The following CSMD1 variants were observed in gnomAD, a reference collection of about 807,000 sequenced individuals.
CSMD1 encodes CUB and Sushi multiple domains 1.
CSMD1 carries 213 observed loss-of-function variants against 417.5 expected under a neutral mutation model. That is an observed-to-expected ratio of 0.51 (90% confidence interval 0.46 to 0.57). The LOEUF (loss-of-function observed/expected upper bound fraction) is 0.57. Ranked by LOEUF, CSMD1 falls within the 20% of genes least tolerant of loss-of-function variation. The pLI is 0.00. For missense variants in CSMD1, 6,923 were observed against 4,529.7 expected (o/e 1.53, Z -15.17); for synonymous variants, 2,862 against 1,736.8 (o/e 1.65, Z -16.11).
chr8:4,756,188 C>A (rs556283524), intron 1 of CSMD1, among the ~76,000 whole-genome samples: 3 of 152,248 alleles, frequency 2.0e-5, no homozygotes, highest in Admixed American at 6.5e-5. Flanking sequence ...TTCTGGAAAA[C>A]TGTTGATCTA....
At position 2,935,606 on chromosome 8, in the gene CSMD1, C is replaced by G. The variant is rs1801399599; in HGVS notation, c.*2979G>C. On this transcript the variant is annotated 3_prime_UTR_variant, in exon 70 of 70. Transcript: ENST00000635120. Reference sequence around the variant, plus strand: ...AAAACATTTATTTTTTAACAATGTACCTACATTAATCAAAAAATTACAGCA... The same window carrying G: ...AAAACATTTATTTTTTAACAATGTAGCTACATTAATCAAAAAATTACAGCA... 2 of 151,974 alleles carry G rather than the reference C, an allele frequency of 1.3e-5. No individual in the cohort carries two copies. Among genetic ancestry groups the G allele is most frequent in the African/African-American group, 4.8e-5 (2 of 41,352 alleles). 9.4% of individuals were successfully genotyped at this position (151,974 alleles called of 1,614,324 possible).
chr8:3,104,952 C>G (rs1816027741), intron 46 of CSMD1, among the ~76,000 whole-genome samples: 1 of 152,130 alleles, frequency 6.6e-6, no homozygotes. Context: ...GTGATCCACC[C>G]ACCTCGGCCT....
chr8:4,817,105 G>A (rs1032674707), intron 1 of CSMD1, among the ~76,000 whole-genome samples: 2 of 151,714 alleles, frequency 1.3e-5, no homozygotes, highest in African/African-American at 4.8e-5. Flanking sequence ...GTATATACAT[G>A]CCTCCATGTA....
At chr8:3,293,315 C>T (rs916167684) in intron 25 of CSMD1, among the ~76,000 whole-genome samples, 1 of 152,068 alleles carries the variant, frequency 6.6e-6, no homozygotes, top group Non-Finnish European at 1.5e-5. Context: ...TTGAGTTGCT[C>T]TTCTCGAGGA....
At chr8:4,853,513 T>G (rs1017213800) in intron 1 of CSMD1, among the ~76,000 whole-genome samples, 3 of 152,188 alleles carry the variant, frequency 2.0e-5, no homozygotes, top group Admixed American at 1.3e-4. Flanking sequence ...AGCTTCCACA[T>G]AGATTTCAGA....
At chr8:3,463,298 C>T (rs1816622961) in intron 12 of CSMD1, among the ~76,000 whole-genome samples, 1 of 152,186 alleles carries the variant, frequency 6.6e-6, no homozygotes, top group African/African-American at 2.4e-5. Flanking sequence ...TCAGGCTCTG[C>T]TTCCAAGAAA....
chr8:4,619,493 G>C (rs561610391), intron 2 of CSMD1, among the ~76,000 whole-genome samples: 40 of 152,252 alleles, frequency 2.6e-4, no homozygotes, highest in Non-Finnish European at 4.1e-4. Context: ...CATTGGACTA[G>C]GTAACTGCAA....
At chr8:4,232,833 T>A in intron 3 of CSMD1, among the ~76,000 whole-genome samples, 1 of 152,096 alleles carries the variant, frequency 6.6e-6, no homozygotes, top group Non-Finnish European at 1.5e-5. Flanking sequence ...AAACATTACT[T>A]TATTTATTTA....
intron 10 of CSMD1, among the ~76,000 whole-genome samples, chr8:3,532,025 C>T (rs1281224744): frequency 1.3e-5 from 2 of 152,204 alleles, no homozygotes; most frequent in Admixed American, 6.5e-5. Context: ...TGGTCCTAAA[C>T]AGTTTTTCAT....
chr8:3,361,668 A>AC (rs1016388299), intron 20 of CSMD1, among the ~76,000 whole-genome samples: 1 of 150,254 alleles, frequency 6.7e-6, no homozygotes, highest in African/African-American at 2.4e-5. Flanking sequence ...AAAAAAAAAA[A>AC]AAAACAAACA....
At chr8:3,661,623 A>G (rs1325515256) in intron 7 of CSMD1, among the ~76,000 whole-genome samples, 1 of 152,064 alleles carries the variant, frequency 6.6e-6, no homozygotes, top group Non-Finnish European at 1.5e-5. Context: ...CAGCCTCCCA[A>G]GTAGTTGGCA....
At chr8:4,047,733 AAAAT>A (rs1798222217) in intron 3 of CSMD1, among the ~76,000 whole-genome samples, 1 of 152,146 alleles carries the variant, frequency 6.6e-6, no homozygotes, top group South Asian at 2.1e-4. Flanking sequence ...GCTATGGAGA[AAAAT>A]AAATCAAGAG....
intron 3 of CSMD1, among the ~76,000 whole-genome samples, chr8:4,327,602 G>T (rs560334446): frequency 6.6e-6 from 1 of 152,166 alleles, no homozygotes; most frequent in African/African-American, 2.4e-5. Flanking sequence ...ATGTTACCAA[G>T]TCAGAAAGGG....
intron 7 of CSMD1, among the ~76,000 whole-genome samples, chr8:3,678,870 G>A (rs920681662): frequency 2.0e-5 from 3 of 152,114 alleles, no homozygotes; most frequent in Admixed American, 6.6e-5. Flanking sequence ...AGAAAAGACT[G>A]GGGGCCAATA....
chr8:4,540,527 G>C (rs943401137), intron 2 of CSMD1, among the ~76,000 whole-genome samples: 2 of 152,098 alleles, frequency 1.3e-5, no homozygotes, highest in Admixed American at 1.3e-4. Flanking sequence ...AACAGAGCGA[G>C]ACCTCATCTG....
At chr8:4,787,233 G>T in intron 1 of CSMD1, 3 of 499,884 alleles carry the variant, frequency 6.0e-6, no homozygotes, top group Admixed American at 3.4e-5. Context: ...TGGGGGCCGC[G>T]CCTCCTTCCC....
intron 4 of CSMD1, among the ~76,000 whole-genome samples, chr8:4,003,731 C>T (rs772374100): frequency 2.6e-5 from 4 of 152,172 alleles, no homozygotes; most frequent in Admixed American, 1.3e-4. Flanking sequence ...TTTACCAACA[C>T]AGGCGAGTGA....
chr8:4,620,432 T>G (rs907238926), intron 2 of CSMD1, among the ~76,000 whole-genome samples: 1 of 151,610 alleles, frequency 6.6e-6, no homozygotes, highest in African/African-American at 2.4e-5. Context: ...AGTCTAAAAT[T>G]TGCTAAATAA....
intron 10 of CSMD1, among the ~76,000 whole-genome samples, chr8:3,539,489 C>T (rs1019925317): frequency 1.3e-5 from 2 of 152,174 alleles, no homozygotes; most frequent in Non-Finnish European, 2.9e-5. Flanking sequence ...GCCTAAAACA[C>T]AGCTACACAT....
Sources: gnomAD v4.1 joint callset for allele counts (sites outside exome capture counted in the v4.1 genomes callset) on GRCh38, gnomAD v4.1.1 for gene constraint, MANE v1.5 for transcripts, NCBI Gene and HGNC (gene_info 2026-07-23, HGNC 2026-07-21) for gene names.